The following CCNY variants were observed in gnomAD, a reference collection of about 807,000 sequenced individuals.
The protein encoded by CCNY is cyclin Y, also known as cyclin-Y.
CCNY carries 19 observed loss-of-function variants against 42.8 expected under a neutral mutation model. The ratio of observed to expected loss-of-function variants is 0.44; its 90% confidence interval spans 0.31 to 0.65. CCNY has a LOEUF of 0.65. Ranked by LOEUF, CCNY falls within the 30% of genes least tolerant of loss-of-function variation. The pLI is 0.07. For synonymous variants in CCNY, 165 were observed against 162.7 expected, an observed-to-expected ratio of 1.01 and a Z score of -0.11; for missense variants, 370 against 437.3, an observed-to-expected ratio of 0.85 and a Z score of 1.37.
chr10:35,570,540 A>G lies in CCNY; in HGVS notation c.*1370A>G, dbSNP rs974039361. 1 of 152,380 alleles carries G rather than the reference A, an allele frequency of 6.6e-6. No individual in the cohort carries two copies. The highest frequency in any genetic ancestry group is 2.4e-5 in the African/African-American group (1 of 41,466). 9.4% of individuals were successfully genotyped at this position (152,380 alleles called of 1,614,324 possible). A position where few individuals can be genotyped will look rare whatever the true frequency, so the allele number is the denominator to read the frequency against. ...AATAGTGAATTTGATATGAAATCTA[A>G]GAGTGTGAGTCACTTGCATATGTAA... On this transcript the variant is annotated 3_prime_UTR_variant, in exon 10 of 10. Coordinates refer to ENST00000374704, the MANE Select transcript of CCNY (RefSeq NM_145012.6).
rs1835865458 is a variant in CCNY, at chr10:35,325,226, T to C, written c.-9+74600T>C. On this transcript the variant is annotated intron_variant, in intron 3 of 11. Coordinates refer to the CCNY transcript ENST00000374706. ...TGGAGTCTCACTCTGTCACCCAGGCTGGAATGCAGTGGCATGATCTCGGCT... is the reference window on the plus strand; with the variant it reads ...TGGAGTCTCACTCTGTCACCCAGGCCGGAATGCAGTGGCATGATCTCGGCT... 2.6e-5 allele frequency among the ~76,000 whole-genome samples: 4 copies of C among 152,232 alleles called. No individual in the cohort carries two copies. The South Asian group carries it at 8.3e-4, about 31-fold the overall frequency.
chr10:35,370,154 GTT>G (rs1227067609), intron 1 of CCNY, among the ~76,000 whole-genome samples: 12 of 143,254 alleles, frequency 8.4e-5, no homozygotes, highest in Admixed American at 1.4e-4. Flanking sequence ...ACATATCCAT[GTT>G]TTTTTTTTTT....
chr10:35,405,712 A>T (rs1837743735), intron 1 of CCNY, among the ~76,000 whole-genome samples: 1 of 152,140 alleles, frequency 6.6e-6, no homozygotes, highest in African/African-American at 2.4e-5. Flanking sequence ...CCACTGTAAG[A>T]GTTACCCGAA....
intron 1 of CCNY, among the ~76,000 whole-genome samples, chr10:35,342,237 G>GTCTC (rs1163968807): frequency 6.6e-6 from 1 of 152,150 alleles, no homozygotes; most frequent in African/African-American, 2.4e-5. Flanking sequence ...GCTTCCTTGA[G>GTCTC]TCTCTACAAT....
chr10:35,391,937 C>T (rs1837422898), intron 1 of CCNY, among the ~76,000 whole-genome samples: 1 of 152,044 alleles, frequency 6.6e-6, no homozygotes, highest in South Asian at 2.1e-4. Flanking sequence ...CCATGACTGT[C>T]TCATTGCCTG....
intron 1 of CCNY, among the ~76,000 whole-genome samples, chr10:35,457,469 A>G (rs1189172853): frequency 1.3e-5 from 2 of 152,240 alleles, no homozygotes; most frequent in Non-Finnish European, 2.9e-5. Flanking sequence ...GTGTCTGGAC[A>G]GAAGATGCAC....
intron 1 of CCNY, among the ~76,000 whole-genome samples, chr10:35,411,123 C>T (rs1189015381): frequency 3.9e-5 from 6 of 152,004 alleles, no homozygotes; most frequent in Admixed American, 6.6e-5. Context: ...GGGACTCAGA[C>T]GACAAAAAGG....
At chr10:35,256,032 A>G (rs1190264665) in intron 3 of CCNY, among the ~76,000 whole-genome samples, 1 of 152,156 alleles carries the variant, frequency 6.6e-6, no homozygotes, top group Non-Finnish European at 1.5e-5. Flanking sequence ...TATTTTACTT[A>G]CTATTTGCAT....
At chr10:35,372,712 A>G (rs886363574) in intron 1 of CCNY, among the ~76,000 whole-genome samples, 4 of 152,034 alleles carry the variant, frequency 2.6e-5, no homozygotes, top group African/African-American at 9.7e-5. Context: ...TTGTTTATTT[A>G]TTTTGAGACG....
At chr10:35,347,426 C>A in intron 1 of CCNY, 2 of 983,600 alleles carry the variant, frequency 2.0e-6, no homozygotes, top group South Asian at 9.4e-5. Flanking sequence ...GACCTTCTGA[C>A]TGTTGAAGGC....
At position 35,535,949 on chromosome 10, in the gene CCNY, G is replaced by T. The variant is rs1367498814; in HGVS notation, c.579+5706G>T. 2.0e-5 allele frequency among the ~76,000 whole-genome samples: 3 copies of T among 152,278 alleles called. No individual in the cohort carries two copies. The East Asian group carries it at 5.8e-4, about 29-fold the overall frequency. Reference sequence around the variant, plus strand: ...TTGTTTACTCATTCATCAGTTGGTGGACATTTAACTTGTTTCTACTTTCTG... The same window carrying T: ...TTGTTTACTCATTCATCAGTTGGTGTACATTTAACTTGTTTCTACTTTCTG... On this transcript the variant is annotated intron_variant, in intron 7 of 9. Transcript: ENST00000374704.
intron 3 of CCNY, among the ~76,000 whole-genome samples, chr10:35,311,583 G>A (rs1441547142): frequency 2.0e-5 from 3 of 151,878 alleles, no homozygotes; most frequent in African/African-American, 7.3e-5. Flanking sequence ...AGGCTGAGGT[G>A]GGAGGATCAC....
At chr10:35,278,991 C>A (rs1805958069) in intron 3 of CCNY, among the ~76,000 whole-genome samples, 1 of 152,042 alleles carries the variant, frequency 6.6e-6, no homozygotes, top group Non-Finnish European at 1.5e-5. Flanking sequence ...GAAAAACAAA[C>A]AACCAAACAA....
intron 7 of CCNY, among the ~76,000 whole-genome samples, chr10:35,540,107 G>C (rs1382133794): frequency 3.3e-5 from 5 of 152,232 alleles, no homozygotes; most frequent in African/African-American, 1.2e-4. Flanking sequence ...GTAAAGTGTT[G>C]AATAGAAGTA....
intron 7 of CCNY, among the ~76,000 whole-genome samples, chr10:35,534,999 ATGTG>A (rs59534409): frequency 0.57 from 75,627 of 133,208 alleles, 21,776 homozygotes; most frequent in South Asian, 0.65. Flanking sequence ...ATCTATATAT[ATGTG>A]TGTGTGTGTG....
At chr10:35,496,465 C>G (rs1168273494) in intron 2 of CCNY, among the ~76,000 whole-genome samples, 1 of 152,172 alleles carries the variant, frequency 6.6e-6, no homozygotes. Context: ...ATCTTAGGAC[C>G]TTTTTAGTAC....
chr10:35,380,009 G>C (rs1282080754), intron 1 of CCNY, among the ~76,000 whole-genome samples: 1 of 152,216 alleles, frequency 6.6e-6, no homozygotes, highest in Non-Finnish European at 1.5e-5. Flanking sequence ...CTAGTCAACA[G>C]TTTGTATGGG....
At chr10:35,278,608 A>G (rs1400162639) in intron 3 of CCNY, among the ~76,000 whole-genome samples, 2 of 152,224 alleles carry the variant, frequency 1.3e-5, no homozygotes, top group Admixed American at 1.3e-4. Flanking sequence ...GACTGAGCAG[A>G]AGGAGAAACT....
intron 1 of CCNY, among the ~76,000 whole-genome samples, chr10:35,402,129 C>G (rs1350825554): frequency 6.6e-6 from 1 of 152,004 alleles, no homozygotes; most frequent in Non-Finnish European, 1.5e-5. Context: ...CTCAGGGCTG[C>G]TTCAAGTGGG....
Sources: gnomAD v4.1 joint callset for allele counts (sites outside exome capture counted in the v4.1 genomes callset) on GRCh38, gnomAD v4.1.1 for gene constraint, MANE v1.5 for transcripts, NCBI Gene and HGNC (gene_info 2026-07-23, HGNC 2026-07-21) for gene names.